The following C3orf70 variants were observed in gnomAD, a reference collection of about 807,000 sequenced individuals.
The protein encoded by C3orf70 is chromosome 3 open reading frame 70.
C3orf70 carries 15 observed loss-of-function variants against 20.7 expected under a neutral mutation model. The ratio of observed to expected loss-of-function variants is 0.72; its 90% CI spans 0.48 to 1.11. The LOEUF is 1.11. C3orf70 is among the 50% of genes most tolerant of loss of function. The pLI is 0.00. For missense variants in C3orf70, 332 were observed against 317.6 expected (o/e 1.05, Z -0.34); for synonymous variants, 161 against 125.7 (o/e 1.28, Z -1.88).
At chr3:185,141,667 C>T (rs997123833) in intron 1 of C3orf70, among the ~76,000 whole-genome samples, 4 of 152,070 alleles carry the variant, frequency 2.6e-5, no homozygotes, top group Non-Finnish European at 5.9e-5. Context: ...AGGTTATGTA[C>T]TCTATGTTTC....
intron 1 of C3orf70, among the ~76,000 whole-genome samples, chr3:185,131,343 G>A (rs1191024179): frequency 6.6e-6 from 1 of 152,182 alleles, no homozygotes; most frequent in Non-Finnish European, 1.5e-5. Flanking sequence ...TGTTTTGAAT[G>A]GAGGTGCTTA....
At chr3:185,128,952 A>G (rs1424307610) in intron 1 of C3orf70, among the ~76,000 whole-genome samples, 1 of 152,214 alleles carries the variant, frequency 6.6e-6, no homozygotes, top group Non-Finnish European at 1.5e-5. Flanking sequence ...TTAATCATTA[A>G]TAACAAATAT....
At chr3:185,139,156 G>GAAGGAGGAGCAGAAAGGAGGAGCAGA (rs372639991) in intron 1 of C3orf70, among the ~76,000 whole-genome samples, 2 of 149,420 alleles carry the variant, frequency 1.3e-5, no homozygotes, top group Non-Finnish European at 3.0e-5. Flanking sequence ...GGAGGAGGAG[G>GAAGGAGGAGCAGAAAGGAGGAGCAGA]AAGGAGGAGC....
intron 1 of C3orf70, among the ~76,000 whole-genome samples, chr3:185,105,649 CTG>C (rs1715918185): frequency 6.6e-6 from 1 of 152,164 alleles, no homozygotes. Flanking sequence ...CTATATTTCT[CTG>C]TGTGTTTTTA....
At chr3:185,090,769 T>C (rs1474082378) in intron 1 of C3orf70, among the ~76,000 whole-genome samples, 1 of 152,212 alleles carries the variant, frequency 6.6e-6, no homozygotes, top group South Asian at 2.1e-4. Context: ...GCCAATATTT[T>C]TTGTGGCCTG....
At chr3:185,092,989 CAAAAAAAAA>C (rs35779843) in intron 1 of C3orf70, among the ~76,000 whole-genome samples, 1 of 129,964 alleles carries the variant, frequency 7.7e-6, no homozygotes, top group African/African-American at 2.9e-5. Flanking sequence ...GACTCCATCT[CAAAAAAAAA>C]AAAAAAAAGA....
intron 1 of C3orf70, among the ~76,000 whole-genome samples, chr3:185,103,994 A>G (rs1283525571): frequency 1.3e-5 from 2 of 152,230 alleles, no homozygotes; most frequent in East Asian, 3.8e-4. Context: ...AGACATACGC[A>G]CAACTACACA....
chr3:185,131,993 G>C (rs955076930), intron 1 of C3orf70, among the ~76,000 whole-genome samples: 13 of 152,206 alleles, frequency 8.5e-5, no homozygotes, highest in African/African-American at 2.9e-4. Context: ...TAACTCACAA[G>C]CAAAAGCTGT....
At chr3:185,126,204 G>C (rs144215065) in intron 1 of C3orf70, among the ~76,000 whole-genome samples, 1,964 of 152,244 alleles carry the variant, frequency 0.013, 22 homozygotes, top group Middle Eastern at 0.02. Flanking sequence ...TTTCAAGCCT[G>C]CTCTTTAACT....
intron 1 of C3orf70, among the ~76,000 whole-genome samples, chr3:185,116,839 C>T (rs564701081): frequency 2.1e-4 from 32 of 150,030 alleles, no homozygotes; most frequent in African/African-American, 7.6e-4. Context: ...AGTGCAGTGG[C>T]GCAATCTCGG....
At chr3:185,127,281 G>T (rs957927561) in intron 1 of C3orf70, among the ~76,000 whole-genome samples, 3 of 152,064 alleles carry the variant, frequency 2.0e-5, no homozygotes, top group African/African-American at 7.2e-5. Context: ...GATAAATAAG[G>T]TGTTACTGAA....
intron 1 of C3orf70, among the ~76,000 whole-genome samples, chr3:185,149,481 A>G (rs1716946212): frequency 6.6e-6 from 1 of 151,794 alleles, no homozygotes; most frequent in South Asian, 2.1e-4. Flanking sequence ...TATGGGGTCC[A>G]GTGTGGTCCA....
intron 1 of C3orf70, among the ~76,000 whole-genome samples, chr3:185,102,787 T>C (rs929759822): frequency 6.6e-6 from 1 of 152,068 alleles, no homozygotes; most frequent in Non-Finnish European, 1.5e-5. Flanking sequence ...ACAAAGTTGA[T>C]AAAAACAAGC....
At chr3:185,096,381 C>G (rs550195453) in intron 1 of C3orf70, among the ~76,000 whole-genome samples, 1 of 152,166 alleles carries the variant, frequency 6.6e-6, no homozygotes, top group Non-Finnish European at 1.5e-5. Flanking sequence ...CCACCTCTTC[C>G]TTACAATAGT....
intron 1 of C3orf70, among the ~76,000 whole-genome samples, chr3:185,095,867 G>T (rs1275008414): frequency 6.6e-6 from 1 of 150,878 alleles, no homozygotes; most frequent in Non-Finnish European, 1.5e-5. Context: ...CTCTCGAATA[G>T]CTGCGACTAT....
chr3:185,121,570 C>T (rs1716297626), intron 1 of C3orf70, among the ~76,000 whole-genome samples: 1 of 152,052 alleles, frequency 6.6e-6, no homozygotes, highest in African/African-American at 2.4e-5. Context: ...ATAGCAAGAA[C>T]AATGGTCTTG....
rs1715292372 is a variant in C3orf70 at position 185,079,811 on chromosome 3, G to A, written c.*3196C>T. 1 of 152,642 alleles carries A rather than the reference G, an allele frequency of 6.6e-6. No individual in the cohort carries two copies. The highest frequency in any genetic ancestry group is 6.5e-5 in the Admixed American group (1 of 15,280). 9.5% of individuals were successfully genotyped at this position (152,642 alleles called of 1,614,324 possible). ...CTTGCTCCAATGAGCATATTACTGG[G>A]TCCAAAGTATACAGCTTTCATATCT... On this transcript the variant is annotated 3_prime_UTR_variant, in exon 2 of 2. Transcript: ENST00000335012.
chr3:185,138,835 C>CA (rs1716681917), intron 1 of C3orf70, among the ~76,000 whole-genome samples: 2 of 152,178 alleles, frequency 1.3e-5, no homozygotes, highest in South Asian at 4.1e-4. Context: ...CGCAGTGGCT[C>CA]ACACCTGTAA....
chr3:185,135,374 A>C (rs1716601166), intron 1 of C3orf70, among the ~76,000 whole-genome samples: 1 of 152,220 alleles, frequency 6.6e-6, no homozygotes, highest in Non-Finnish European at 1.5e-5. Context: ...TAATCCCAGC[A>C]TTTTGGGAGG....
Sources: gnomAD v4.1 joint callset for allele counts (sites outside exome capture counted in the v4.1 genomes callset) on GRCh38, gnomAD v4.1.1 for gene constraint, MANE v1.5 for transcripts, NCBI Gene and HGNC (gene_info 2026-07-23, HGNC 2026-07-21) for gene names.